The following OPCML variants were observed in gnomAD, a reference collection of about 807,000 sequenced individuals.
OPCML encodes the protein opioid-binding protein/cell adhesion molecule.
Under a neutral mutation model 37.8 loss-of-function variants are expected in OPCML, and 13 were observed. The ratio of observed to expected loss-of-function variants is 0.34; its 90% CI spans 0.22 to 0.55. The LOEUF (loss-of-function observed/expected upper bound fraction) is 0.55. Ranked by LOEUF, OPCML falls within the 20% of genes least tolerant of loss-of-function variation. OPCML has a pLI of 0.91. For synonymous variants in OPCML, 176 were observed against 168.8 expected (o/e 1.04, Z -0.33); for missense variants, 341 against 435.6 (o/e 0.78, Z 1.93).
intron 2 of OPCML, among the ~76,000 whole-genome samples, chr11:132,717,744 C>T (rs1438576398): frequency 6.6e-6 from 1 of 152,150 alleles, no homozygotes; most frequent in Non-Finnish European, 1.5e-5. Context: ...TAAGGGACAG[C>T]TTCACAAAGC....
At chr11:132,505,973 C>A (rs556164954) in intron 4 of OPCML, among the ~76,000 whole-genome samples, 26 of 152,128 alleles carry the variant, frequency 1.7e-4, no homozygotes, top group African/African-American at 4.1e-4. Context: ...TCACATCTCC[C>A]GGAAAGAATT....
intron 2 of OPCML, among the ~76,000 whole-genome samples, chr11:132,707,724 G>A (rs1368533589): frequency 1.3e-5 from 2 of 152,182 alleles, no homozygotes; most frequent in African/African-American, 4.8e-5. Context: ...CTGAGTGTCT[G>A]TGCATCTTTC....
In OPCML at chr11:133,420,926, G is replaced by T. The variant is rs980176843; in HGVS notation, c.61+111338C>A. 34 of 985,232 alleles carry T rather than the reference G, an allele frequency of 3.5e-5. No individual in the cohort carries two copies. The African/African-American group carries it at 5.4e-4, about 16-fold the overall frequency. 61.0% of individuals were successfully genotyped at this position (985,232 alleles called of 1,614,324 possible). ...GAAAACAGTAAAAAGGATTACAGTG[G>T]CTGATAATTGGTCTTGAAAATGAGA... On this transcript the variant is annotated intron_variant, in intron 1 of 7. Coordinates refer to ENST00000524381, the MANE Select transcript of OPCML (RefSeq NM_001012393.5).
intron 1 of OPCML, among the ~76,000 whole-genome samples, chr11:132,964,989 T>C (rs916425159): frequency 6.6e-6 from 1 of 152,222 alleles, no homozygotes; most frequent in Non-Finnish European, 1.5e-5. Context: ...GCATCTTGTT[T>C]CCTCAGAGAT....
chr11:132,932,003 C>T (rs1236583491), intron 2 of OPCML, among the ~76,000 whole-genome samples: 6 of 152,102 alleles, frequency 3.9e-5, no homozygotes, highest in African/African-American at 1.2e-4. Context: ...GTATAGATAA[C>T]TTAAGTAAGC....
intron 4 of OPCML, among the ~76,000 whole-genome samples, chr11:132,477,336 C>A (rs533207434): frequency 5.1e-4 from 77 of 152,346 alleles, no homozygotes; most frequent in African/African-American, 1.7e-3. Context: ...CACAGAGAAT[C>A]CACTCTTCCT....
intron 1 of OPCML, among the ~76,000 whole-genome samples, chr11:133,148,661 C>T (rs887343370): frequency 1.3e-5 from 2 of 151,810 alleles, no homozygotes; most frequent in African/African-American, 4.8e-5. Context: ...CGCACTTCAG[C>T]GCTCGCTCCA....
At chr11:133,217,563 C>T (rs1381923646) in intron 1 of OPCML, among the ~76,000 whole-genome samples, 1 of 152,188 alleles carries the variant, frequency 6.6e-6, no homozygotes, top group Non-Finnish European at 1.5e-5. Context: ...CACACGAGAG[C>T]CCATGGAGGT....
At chr11:132,835,111 T>C (rs558516194) in intron 2 of OPCML, among the ~76,000 whole-genome samples, 2 of 152,078 alleles carry the variant, frequency 1.3e-5, no homozygotes, top group Non-Finnish European at 2.9e-5. Context: ...CTGAGGAGGA[T>C]TGATTCATGC....
At chr11:133,153,032 G>A (rs796805008) in intron 1 of OPCML, among the ~76,000 whole-genome samples, 57 of 152,206 alleles carry the variant, frequency 3.7e-4, no homozygotes, top group African/African-American at 1.4e-3. Context: ...TTCTCCCTGG[G>A]GTCCCTGCAG....
In OPCML at chr11:133,384,169, T is replaced by C. The variant is rs549148158; in HGVS notation, c.61+148095A>G. Among the ~76,000 whole-genome samples the C allele has an allele frequency of 4.0e-5, 6 of 148,904 alleles. No homozygotes were observed. The South Asian group carries it at 1.1e-3, about 26-fold the overall frequency. On this transcript the variant is annotated intron_variant, in intron 1 of 7. Coordinates refer to ENST00000524381, the MANE Select transcript of OPCML (RefSeq NM_001012393.5). ...ACTGAATTAGCAACAATGTATCCAA[T>C]TTCTGGGGACACCTTTGACCTAATT... is the stretch of plus-strand genomic sequence containing the variant.
rs886324617 is a variant in OPCML at position 133,205,609 on chromosome 11, C to T, written c.62-262599G>A. Among the ~76,000 whole-genome samples the T allele has an allele frequency of 1.3e-5, 2 of 152,190 alleles. No homozygotes were observed. The highest frequency in any genetic ancestry group is 4.8e-5 in the African/African-American group (2 of 41,426). ...TGAATTGGAGAACGCCCAGTCCTCA[C>T]GATCATTGCTCAGTTGGTGTGTGGG... is the stretch of plus-strand genomic sequence containing the variant. On this transcript the variant is annotated intron_variant, in intron 1 of 7. Coordinates refer to ENST00000524381, the MANE Select transcript of OPCML (RefSeq NM_001012393.5). The surrounding 1 kb of genome is among the most constrained non-coding windows in gnomAD (Gnocchi z 4.8).
intron 2 of OPCML, among the ~76,000 whole-genome samples, chr11:132,721,950 C>CTTTTTTTTT (rs34325848): frequency 2.2e-4 from 18 of 82,790 alleles, no homozygotes; most frequent in East Asian, 4.3e-4. Context: ...CTTTCCTTCC[C>CTTTTTTTTT]TTTTTTTTTT....
intron 2 of OPCML, among the ~76,000 whole-genome samples, chr11:132,703,187 A>C (rs911933686): frequency 6.6e-6 from 1 of 152,174 alleles, no homozygotes; most frequent in Non-Finnish European, 1.5e-5. Flanking sequence ...AGTATAGCCT[A>C]CTATACAACT....
intron 1 of OPCML, among the ~76,000 whole-genome samples, chr11:133,323,686 T>A (rs1943386405): frequency 6.6e-6 from 1 of 152,088 alleles, no homozygotes; most frequent in Non-Finnish European, 1.5e-5. Flanking sequence ...AATATCACAG[T>A]CCAGGTATCG....
At chr11:132,956,162 C>A (rs966025149) in intron 1 of OPCML, among the ~76,000 whole-genome samples, 1 of 152,098 alleles carries the variant, frequency 6.6e-6, no homozygotes, top group Non-Finnish European at 1.5e-5. Flanking sequence ...AGGTGGAGAA[C>A]AAGAATTAGA....
chr11:132,876,183 G>A (rs142478240), intron 2 of OPCML, among the ~76,000 whole-genome samples: 24 of 152,250 alleles, frequency 1.6e-4, no homozygotes, highest in African/African-American at 5.8e-4. Context: ...CATAGAAGTC[G>A]GGAATCGATA....
chr11:133,180,207 T>C (rs983144684), intron 1 of OPCML, among the ~76,000 whole-genome samples: 4 of 152,246 alleles, frequency 2.6e-5, no homozygotes, highest in Admixed American at 6.5e-5. Context: ...ACTAGGGAGC[T>C]GGGGCCAGGG....
intron 2 of OPCML, among the ~76,000 whole-genome samples, chr11:132,881,781 G>A (rs1041952694): frequency 5.9e-5 from 9 of 152,138 alleles, no homozygotes; most frequent in African/African-American, 1.7e-4. Context: ...CTGTGACTGC[G>A]CAGTTGCTTG....
Sources: allele counts gnomAD v4.1 joint callset (sites outside exome capture counted in the v4.1 genomes callset), GRCh38; gene constraint gnomAD v4.1.1; non-coding constraint Gnocchi (gnomAD v3.1); transcripts MANE v1.5; gene names NCBI Gene and HGNC (gene_info 2026-07-23, HGNC 2026-07-21).